ADAMTS18: variants seen among roughly 807,000 people sequenced by gnomAD.
ADAMTS18 encodes the protein A disintegrin and metalloproteinase with thrombospondin motifs 18.
Under a neutral mutation model 165.9 loss-of-function variants are expected in ADAMTS18, and 157 were observed. The ratio of observed to expected loss-of-function variants is 0.95; its 90% CI spans 0.83 to 1.08. The LOEUF (loss-of-function observed/expected upper bound fraction) is 1.08. Among genes scored for constraint, ADAMTS18 ranks in the 50% least tolerant of loss-of-function variants. The probability of loss-of-function intolerance (pLI) is 0.00; values close to 1 mark genes in which losing one functional copy is unlikely to be tolerated. For missense variants in ADAMTS18, 2,040 were observed against 1,534.0 expected (o/e 1.33, Z -5.51); for synonymous variants, 782 against 578.2 (o/e 1.35, Z -5.06).
At chr16:77,306,764 T>C (rs1597101762) in intron 16 of ADAMTS18, among the ~76,000 whole-genome samples, 1 of 152,206 alleles carries the variant, frequency 6.6e-6, no homozygotes, top group Admixed American at 6.5e-5. Context: ...TCATTTAAAA[T>C]TGATAACGAC....
At chr16:77,306,745 T>G (rs1267809462) in intron 16 of ADAMTS18, among the ~76,000 whole-genome samples, 1 of 152,202 alleles carries the variant, frequency 6.6e-6, no homozygotes, top group East Asian at 1.9e-4. Flanking sequence ...GCATTGTACA[T>G]GCATTATCTC....
In ADAMTS18 at chr16:77,320,077, G is replaced by T; in HGVS notation, c.2304C>A (p.Val768=). 1 of 1,614,030 alleles carries T rather than the reference G, an allele frequency of 6.2e-7. No homozygotes were observed. The highest frequency in any genetic ancestry group is 1.1e-5 in the South Asian group (1 of 91,014). ...TGCTTCGGGCGCCAGCTGGAATGAGGACCACCGGATAATATTCTAAATGGA... is the reference window on the plus strand; with the variant it reads ...TGCTTCGGGCGCCAGCTGGAATGAGTACCACCGGATAATATTCTAAATGGA... ...QHKANEYYPV[V]LIPAGARSIE... is the part of the protein sequence containing the mutation. Residue 768 remains valine, a synonymous_variant, in exon 16 of 23, where the codon GTC becomes GTA. Coordinates refer to ENST00000282849, the MANE Select transcript of ADAMTS18 (RefSeq NM_199355.4).
At position 77,309,170 on chromosome 16, in the gene ADAMTS18, C is replaced by T. The variant is rs541383186; in HGVS notation, c.2533-8766G>A. ...AGTGATCTCAGAAACTATGTGACTG[C>T]TAAATCAATATTTATTTTTATGCTA... On this transcript the variant is annotated intron_variant, in intron 16 of 22. Transcript: ENST00000282849. 1.7e-3 allele frequency among the ~76,000 whole-genome samples: 258 copies of T among 151,174 alleles called. 2 individuals are homozygous for T. The highest frequency in any genetic ancestry group is 6.2e-3 in the African/African-American group (254 of 41,260).
At chr16:77,317,444 C>T (rs1197676568) in intron 16 of ADAMTS18, among the ~76,000 whole-genome samples, 2 of 152,190 alleles carry the variant, frequency 1.3e-5, no homozygotes, top group African/African-American at 2.4e-5. Flanking sequence ...AGTGATTCTC[C>T]TGCCTCAGCC....
At chr16:77,344,666 C>A (rs921627960) in intron 10 of ADAMTS18, among the ~76,000 whole-genome samples, 21 of 151,990 alleles carry the variant, frequency 1.4e-4, no homozygotes, top group Non-Finnish European at 2.8e-4. Flanking sequence ...AAAAGGAGGG[C>A]TAGCTGTCGT....
chr16:77,368,120 A>C (rs1302868830), intron 3 of ADAMTS18, among the ~76,000 whole-genome samples: 1 of 152,198 alleles, frequency 6.6e-6, no homozygotes, highest in Admixed American at 6.5e-5. Flanking sequence ...AAATGCTGGG[A>C]CTACAGGTAT....
chr16:77,323,465 T>A (rs2056039706), intron 13 of ADAMTS18, among the ~76,000 whole-genome samples: 1 of 152,204 alleles, frequency 6.6e-6, no homozygotes, highest in Admixed American at 6.5e-5. Context: ...ATTTAATGCG[T>A]AATTTTTGCA....
chr16:77,376,323 C>T (rs922654005), intron 3 of ADAMTS18, among the ~76,000 whole-genome samples: 7 of 152,184 alleles, frequency 4.6e-5, no homozygotes, highest in African/African-American at 1.7e-4. Context: ...AGGGGGAAAT[C>T]CACCCCCAAG....
chr16:77,359,249 G>T, intron 8 of ADAMTS18, 69 bp downstream of exon 8: 1 of 1,336,248 alleles, frequency 7.5e-7, no homozygotes, highest in East Asian at 2.4e-5. Flanking sequence ...CAACAACAAC[G>T]GTTAGAGGAA....
Position 77,320,006 on chromosome 16 carries a change from C to T in ADAMTS18, c.2375G>A (p.Arg792Gln), listed in dbSNP as rs774713566. 1.2e-5 allele frequency: 19 copies of T among 1,614,110 alleles called. No individual in the cohort carries two copies. Among genetic ancestry groups the T allele is most frequent in the Non-Finnish European group, 1.6e-5 (19 of 1,180,012 alleles). The change falls in exon 16 of 23, where the codon CGA becomes CAA. Residue 792 changes from arginine (R) to glutamine (Q), a missense_variant. Transcript: ENST00000282849. Reference protein sequence around the residue: ...LQVSSSYLAVRSLSQKYYLTG... With the variant: ...LQVSSSYLAVQSLSQKYYLTG... Reference sequence around the variant, plus strand: ...GAGGTAATACTTTTGACTGAGGCTTCGAACTGCGAGGTAACTGGAGGAAAC... The same window carrying T: ...GAGGTAATACTTTTGACTGAGGCTTTGAACTGCGAGGTAACTGGAGGAAAC...
At chr16:77,312,033 A>G (rs2062578) in intron 16 of ADAMTS18, among the ~76,000 whole-genome samples, 15,065 of 152,132 alleles carry the variant, frequency 0.099, 1,007 homozygotes, top group East Asian at 0.27. Context: ...TACATATCCA[A>G]TTGAACCTGG....
intron 3 of ADAMTS18, among the ~76,000 whole-genome samples, chr16:77,395,008 C>T (rs1467998640): frequency 1.3e-5 from 2 of 152,172 alleles, no homozygotes; most frequent in Non-Finnish European, 2.9e-5. Context: ...CATGAAGCTG[C>T]ATTTGCCTGT....
At chr16:77,310,033 T>C (rs2055751648) in intron 16 of ADAMTS18, among the ~76,000 whole-genome samples, 1 of 152,180 alleles carries the variant, frequency 6.6e-6, no homozygotes, top group Non-Finnish European at 1.5e-5. Context: ...TCAGATACAG[T>C]GGTTTTTAAA....
chr16:77,344,511 G>A (rs545900743), intron 10 of ADAMTS18, among the ~76,000 whole-genome samples: 1 of 152,196 alleles, frequency 6.6e-6, no homozygotes, highest in South Asian at 2.1e-4. Context: ...TGGGAGGCAT[G>A]AGAGATAGCA....
intron 12 of ADAMTS18, among the ~76,000 whole-genome samples, chr16:77,332,964 C>T (rs2056214723): frequency 6.6e-6 from 1 of 152,186 alleles, no homozygotes; most frequent in South Asian, 2.1e-4. Context: ...TGTTGATGTA[C>T]ATTCCTGCAA....
chr16:77,345,016 A>G (rs1372853084), intron 10 of ADAMTS18, among the ~76,000 whole-genome samples: 5 of 152,184 alleles, frequency 3.3e-5, no homozygotes, highest in African/African-American at 1.2e-4. Context: ...TTTAAGGGAA[A>G]AAAAGAAATA....
chr16:77,348,036 G>C (rs917110051), intron 10 of ADAMTS18, among the ~76,000 whole-genome samples: 3 of 152,096 alleles, frequency 2.0e-5, no homozygotes, highest in African/African-American at 7.2e-5. Flanking sequence ...AGGATGGAAA[G>C]AGTATCTTAC....
chr16:77,286,015 G>C (rs147828588), intron 22 of ADAMTS18, among the ~76,000 whole-genome samples: 7 of 152,070 alleles, frequency 4.6e-5, no homozygotes, highest in African/African-American at 1.7e-4. Context: ...GGCTTCCATC[G>C]TACTCAGCGT....
At chr16:77,397,295 G>A (rs116071679) in intron 3 of ADAMTS18, among the ~76,000 whole-genome samples, 130 of 152,210 alleles carry the variant, frequency 8.5e-4, no homozygotes, top group African/African-American at 3.0e-3. Context: ...ACAAAAGAAG[G>A]GCAGAGTCCT....
Sources: allele counts gnomAD v4.1 joint callset (sites outside exome capture counted in the v4.1 genomes callset), GRCh38; gene constraint gnomAD v4.1.1; transcripts MANE v1.5; gene names NCBI Gene and HGNC (gene_info 2026-07-23, HGNC 2026-07-21).